ZFAND3: variants seen among roughly 807,000 people sequenced by gnomAD.
ZFAND3 encodes the protein AN1-type zinc finger protein 3.
Under a neutral mutation model 29.6 loss-of-function variants are expected in ZFAND3, and 10 were observed. The ratio of observed to expected loss-of-function variants is 0.34; its 90% CI spans 0.21 to 0.57. ZFAND3 has a LOEUF of 0.57. Among genes scored for constraint, ZFAND3 ranks in the 20% least tolerant of loss-of-function variants. The pLI, the probability that ZFAND3 is intolerant of heterozygous loss-of-function variation, is 0.86. For synonymous variants in ZFAND3, 128 were observed against 112.6 expected, an observed-to-expected ratio of 1.14 and a Z score of -0.87; for missense variants, 230 against 304.5, an observed-to-expected ratio of 0.76 and a Z score of 1.82.
intron 1 of ZFAND3, among the ~76,000 whole-genome samples, chr6:37,874,468 C>G (rs12206818): frequency 0.27 from 38,823 of 142,240 alleles, 6,499 homozygotes; most frequent in Non-Finnish European, 0.38. Context: ...GAGCCGAGAT[C>G]GTGCCATTGC....
At chr6:37,960,553 G>A (rs148264141) in intron 2 of ZFAND3, among the ~76,000 whole-genome samples, 278 of 152,248 alleles carry the variant, frequency 1.8e-3, no homozygotes, top group African/African-American at 6.3e-3. Context: ...TACACATTCT[G>A]CTGATGTTCA....
At chr6:37,969,483 C>G (rs1370725326) in intron 2 of ZFAND3, among the ~76,000 whole-genome samples, 1 of 152,066 alleles carries the variant, frequency 6.6e-6, no homozygotes, top group Non-Finnish European at 1.5e-5. Context: ...TAACAGAAAG[C>G]CTATTTTATA....
chr6:38,081,486 T>C (rs1403718170), intron 3 of ZFAND3, among the ~76,000 whole-genome samples: 1 of 152,168 alleles, frequency 6.6e-6, no homozygotes, highest in Non-Finnish European at 1.5e-5. Context: ...ATATGAATTA[T>C]TGTTGTAGGA....
At chr6:38,005,539 A>G (rs980339940) in intron 2 of ZFAND3, among the ~76,000 whole-genome samples, 6 of 152,198 alleles carry the variant, frequency 3.9e-5, no homozygotes, top group Admixed American at 6.5e-5. Context: ...TAGGATTGAC[A>G]AGCCTTTATC....
chr6:38,098,844 A>G (rs1765035315), intron 4 of ZFAND3, among the ~76,000 whole-genome samples: 1 of 151,862 alleles, frequency 6.6e-6, no homozygotes, highest in Non-Finnish European at 1.5e-5. Context: ...TAACATTGTT[A>G]ATTGGTTCTT....
intron 2 of ZFAND3, among the ~76,000 whole-genome samples, chr6:38,020,391 A>G (rs1763327190): frequency 6.6e-6 from 1 of 152,194 alleles, no homozygotes; most frequent in South Asian, 2.1e-4. Flanking sequence ...TGGTTAAAAA[A>G]AAAAACATGT....
chr6:38,146,398 T>G (rs527910517), intron 5 of ZFAND3, among the ~76,000 whole-genome samples: 3 of 152,142 alleles, frequency 2.0e-5, no homozygotes, highest in Non-Finnish European at 4.4e-5. Flanking sequence ...CCATGGAAAG[T>G]GGAGTCATGG....
chr6:38,086,876 T>G (rs911910545), intron 4 of ZFAND3, among the ~76,000 whole-genome samples: 1 of 152,134 alleles, frequency 6.6e-6, no homozygotes, highest in East Asian at 1.9e-4. Flanking sequence ...AGACCCAGAA[T>G]AGACAAAGCT....
At chr6:38,135,582 TAA>T (rs1439141242) in intron 5 of ZFAND3, among the ~76,000 whole-genome samples, 4 of 152,018 alleles carry the variant, frequency 2.6e-5, no homozygotes, top group Non-Finnish European at 5.9e-5. Context: ...CTGTCTCTAC[TAA>T]AAATACAAAA....
At chr6:37,904,319 A>T (rs1765371201) in intron 1 of ZFAND3, among the ~76,000 whole-genome samples, 1 of 152,222 alleles carries the variant, frequency 6.6e-6, no homozygotes, top group South Asian at 2.1e-4. Context: ...GGCTCTGCTG[A>T]TGCTGATAGC....
intron 1 of ZFAND3, among the ~76,000 whole-genome samples, chr6:37,864,926 T>C (rs1229978495): frequency 6.6e-6 from 1 of 152,176 alleles, no homozygotes; most frequent in African/African-American, 2.4e-5. Context: ...ACATCTGTAA[T>C]CCCAGCACTT....
At chr6:38,110,449 T>C (rs974435254) in intron 4 of ZFAND3, among the ~76,000 whole-genome samples, 1 of 152,060 alleles carries the variant, frequency 6.6e-6, no homozygotes, top group Admixed American at 6.5e-5. Flanking sequence ...GTAAAGCAGG[T>C]TTTTTTCAAG....
At chr6:37,904,993 A>AT (rs945733967) in intron 1 of ZFAND3, among the ~76,000 whole-genome samples, 1 of 152,154 alleles carries the variant, frequency 6.6e-6, no homozygotes, top group African/African-American at 2.4e-5. Flanking sequence ...TCACTAAAAT[A>AT]TTTCTTAAAG....
intron 1 of ZFAND3, among the ~76,000 whole-genome samples, chr6:37,886,041 C>A (rs1353262733): frequency 1.3e-5 from 2 of 151,818 alleles, no homozygotes; most frequent in Admixed American, 1.3e-4. Flanking sequence ...AGTTCGAGAC[C>A]AGCCTGGCCA....
chr6:38,120,488 G>C (rs1765513197), intron 5 of ZFAND3, among the ~76,000 whole-genome samples: 1 of 151,714 alleles, frequency 6.6e-6, no homozygotes, highest in Non-Finnish European at 1.5e-5. Flanking sequence ...TCCACGCCTG[G>C]CTAATTTTTT....
chr6:37,989,193 C>T (rs1396453264), intron 2 of ZFAND3, among the ~76,000 whole-genome samples: 1 of 152,228 alleles, frequency 6.6e-6, no homozygotes, highest in Non-Finnish European at 1.5e-5. Context: ...TAGGCATGAG[C>T]CACCATGCCC....
intron 4 of ZFAND3, among the ~76,000 whole-genome samples, chr6:38,116,285 A>G (rs1357864144): frequency 6.6e-6 from 1 of 152,206 alleles, no homozygotes; most frequent in East Asian, 1.9e-4. Context: ...TGGTCTCCTC[A>G]TAGAATCTCA....
At chr6:38,080,302 T>TAA (rs1475817344) in intron 3 of ZFAND3, among the ~76,000 whole-genome samples, 61 of 150,878 alleles carry the variant, frequency 4.0e-4, no homozygotes, top group South Asian at 8.3e-4. Flanking sequence ...ACTTAAAGTA[T>TAA]AATATATATA....
chr6:38,009,211 C>T (rs1763103129), intron 2 of ZFAND3, among the ~76,000 whole-genome samples: 1 of 152,044 alleles, frequency 6.6e-6, no homozygotes, highest in African/African-American at 2.4e-5. Flanking sequence ...AAAGAGAAAA[C>T]TTTCTAAACT....
Sources: allele counts gnomAD v4.1 joint callset (sites outside exome capture counted in the v4.1 genomes callset), GRCh38; gene constraint gnomAD v4.1.1; transcripts MANE v1.5; gene names NCBI Gene and HGNC (gene_info 2026-07-23, HGNC 2026-07-21).